The following AKT2 variants were observed in gnomAD, a reference collection of about 807,000 sequenced individuals.
AKT2 encodes the protein RAC-beta serine/threonine-protein kinase.
In AKT2, 16 loss-of-function variants were observed where a neutral mutation model predicts 58.6. The ratio of observed to expected loss-of-function variants is 0.27; its 90% CI spans 0.18 to 0.41. The LOEUF is 0.41. Ranked by LOEUF, AKT2 falls within the 10% of genes least tolerant of loss-of-function variation. The pLI, the probability that AKT2 is intolerant of heterozygous loss-of-function variation, is 1.00. For synonymous variants in AKT2, 253 were observed against 254.0 expected (o/e 1.00, Z 0.04); for missense variants, 438 against 661.0 (o/e 0.66, Z 3.70).
chr19:40,240,793 CTT>C (rs1009869075), intron 6 of AKT2: 46 of 155,468 alleles, frequency 3.0e-4, no homozygotes, highest in South Asian at 1.2e-3. Flanking sequence ...TTTTTTTTCC[CTT>C]TTTTTTTTTA....
At chr19:40,260,585 ACG>A (rs1975866867) in intron 2 of AKT2, among the ~76,000 whole-genome samples, 1 of 120,676 alleles carries the variant, frequency 8.3e-6, no homozygotes. Context: ...AGCCGAGATC[ACG>A]CCACTGCACT....
chr19:40,233,546 A>T lies in AKT2; in HGVS notation c.*326T>A. The T allele has an allele frequency of 1.5e-6, 1 of 646,940 alleles. No individual in the cohort carries two copies. The highest frequency in any genetic ancestry group is 2.9e-6 in the Non-Finnish European group (1 of 341,288). The allele number at this position is 646,940 out of a possible 1,614,324, so 40.1% of individuals were successfully genotyped here. A position where few individuals can be genotyped will look rare whatever the true frequency, so the allele number is the denominator to read the frequency against. On this transcript the variant is annotated 3_prime_UTR_variant, in exon 14 of 14. Transcript: ENST00000392038. The surrounding 1 kb of genome is among the most constrained non-coding windows in gnomAD (Gnocchi z 4.3). Reference sequence around the variant, plus strand: ...AGCACGACACCCAGGCCAGAAACTCAGGCAGGCCCCAGGCGCCATGCTTCA... The same window carrying T: ...AGCACGACACCCAGGCCAGAAACTCTGGCAGGCCCCAGGCGCCATGCTTCA...
chr19:40,235,897 TG>T lies in AKT2; in HGVS notation c.1167del (p.Lys390SerfsTer185), dbSNP rs2145163750. ...SLLAGLLKKD[P>X]KQRLGGGPSD... ...GCCGACGCCAGCCCTCACCTCTGCT[TG>T]GGGTCCTTCTTAAGCAGCCCAGCAA... On this transcript the variant is annotated frameshift_variant, in exon 11 of 14. Transcript: ENST00000392038. LOFTEE classifies it high-confidence loss of function. This position sits in a 1 kb window ranked among gnomAD's most constrained non-coding sequence, Gnocchi z 6.3. 6.2e-7 allele frequency: 1 copy of T among 1,610,288 alleles called. No homozygotes were observed.
intron 6 of AKT2, chr19:40,240,372 C>T: frequency 1.5e-6 from 1 of 672,602 alleles, no homozygotes; most frequent in Non-Finnish European, 2.8e-6. Context: ...GGACAAGACA[C>T]CTGTGACGTC....
rs1251045508 is a variant in AKT2 at position 40,233,931 on chromosome 19, C to T, written c.1387G>A (p.Glu463Lys). ...GGGAAGTGGGTCCGCTGGTCCAGCTCCAGTAAGCCCAGGCTGTCATCTGTG... is the reference window on the plus strand; with the variant it reads ...GGGAAGTGGGTCCGCTGGTCCAGCTTCAGTAAGCCCAGGCTGTCATCTGTG... ...PDRYDSLGLL[E>K]LDQRTHFPQF... Residue 463 changes from glutamate (E) to lysine (K), a missense_variant, in exon 14 of 14, where the codon GAG becomes AAG. Glu to Lys is a moderately conservative substitution (Grantham distance 56). Transcript: ENST00000392038. The surrounding 1 kb of genome is among the most constrained non-coding windows in gnomAD (Gnocchi z 4.3). The T allele has an allele frequency of 3.1e-6, 5 of 1,611,498 alleles. No individual in the cohort carries two copies. The highest frequency in any genetic ancestry group is 2.2e-5 in the South Asian group (2 of 91,056).
Position 40,230,490 on chromosome 19 carries a change from C to T in AKT2, c.*3382G>A, listed in dbSNP as rs182365115. ...AGCAGCTAAAAGGGAATCGCACTGCCGCCCCCGACTCCACACAACCATCAG... is the reference window on the plus strand; with the variant it reads ...AGCAGCTAAAAGGGAATCGCACTGCTGCCCCCGACTCCACACAACCATCAG... On this transcript the variant is annotated 3_prime_UTR_variant, in exon 14 of 14. Transcript: ENST00000392038. 3.0e-4 allele frequency: 68 copies of T among 226,590 alleles called. No homozygotes were observed. Among genetic ancestry groups the T allele is most frequent in the Admixed American group, 1.9e-3 (34 of 17,574 alleles). The allele number at this position is 226,590 out of a possible 1,614,324, so 14.0% of individuals were successfully genotyped here.
chr19:40,275,935 C>T (rs939531660), intron 1 of AKT2, among the ~76,000 whole-genome samples: 4 of 151,452 alleles, frequency 2.6e-5, no homozygotes, highest in Non-Finnish European at 5.9e-5. Flanking sequence ...TCGCTTGAAC[C>T]CGGGAGGCGG....
In AKT2 at chr19:40,240,081, G is replaced by A. The variant is rs2145191247; in HGVS notation, c.603C>T (p.Ser201=). The A allele has an allele frequency of 6.2e-7, 1 of 1,614,058 alleles. No individual in the cohort carries two copies. The highest frequency in any genetic ancestry group is 8.5e-7 in the Non-Finnish European group (1 of 1,180,018). ...GGTGCCTGGTGTTCTGGAGGACCCG[G>A]CTCTCGGTGACTGTGTGAGCGACTT... is the stretch of plus-strand genomic sequence containing the variant. The part of the protein sequence containing the change: ...KDEVAHTVTE[S]RVLQNTRHPF... Residue 201 remains serine (S), a synonymous_variant, in exon 7 of 14, where the codon AGC becomes AGT. Transcript: ENST00000392038.
chr19:40,267,995 A>C (rs1311182314), intron 1 of AKT2, among the ~76,000 whole-genome samples: 1 of 152,222 alleles, frequency 6.6e-6, no homozygotes, highest in Non-Finnish European at 1.5e-5. Flanking sequence ...AGAAAATGCA[A>C]GGACCTGAGG....
At chr19:40,256,875 C>T in intron 3 of AKT2, 51 bp downstream of exon 3, 1 of 1,612,490 alleles carries the variant, frequency 6.2e-7, no homozygotes. Flanking sequence ...CTAAGACGTG[C>T]CAGCCATCCT....
chr19:40,233,622 C>T lies in AKT2; in HGVS notation c.*250G>A, dbSNP rs759230231. 2 of 747,354 alleles carry T rather than the reference C, an allele frequency of 2.7e-6. No homozygotes were observed. Among genetic ancestry groups the T allele is most frequent in the East Asian group, 5.0e-5 (2 of 40,106 alleles). 46.3% of individuals were successfully genotyped at this position (747,354 alleles called of 1,614,324 possible). On this transcript the variant is annotated 3_prime_UTR_variant, in exon 14 of 14. Transcript: ENST00000392038. This position sits in a 1 kb window ranked among gnomAD's most constrained non-coding sequence, Gnocchi z 4.3. ...AAAACCTGAATCTCCAACCGCCCAA[C>T]AGCCCAGGCCTGGGCGGGAGGTGGA... is the stretch of plus-strand genomic sequence containing the variant.
At chr19:40,246,955 G>A (rs1039233239) in intron 4 of AKT2, among the ~76,000 whole-genome samples, 3 of 152,248 alleles carry the variant, frequency 2.0e-5, no homozygotes, top group African/African-American at 7.2e-5. Context: ...AAGGGAGGGT[G>A]CCGAAGACAC....
chr19:40,233,879 C>T lies in AKT2; in HGVS notation c.1439G>A (p.Arg480His), dbSNP rs1017033490. 7 of 1,611,258 alleles carry T rather than the reference C, an allele frequency of 4.3e-6. No homozygotes were observed. Among genetic ancestry groups the T allele is most frequent in the Middle Eastern group, 1.6e-4 (1 of 6,080 alleles). The stretch of plus-strand genomic sequence containing the variant: ...TCTGCGTGGGCAGACTGCTCACTCG[C>T]GGATGCTGGCCGAGTAGGAGAACTG... ...FPQFSYSASI[R>H]E Residue 480 changes from arginine (R) to histidine (H), a missense_variant, in exon 14 of 14, where the codon CGC (arginine) becomes CAC (histidine). By Grantham distance (29) the Arg-to-His change is conservative. Transcript: ENST00000392038. The surrounding 1 kb of genome is among the most constrained non-coding windows in gnomAD (Gnocchi z 4.3).
chr19:40,259,403 T>C (rs902660185), intron 2 of AKT2, among the ~76,000 whole-genome samples: 1 of 152,134 alleles, frequency 6.6e-6, no homozygotes, highest in Non-Finnish European at 1.5e-5. Flanking sequence ...TTTTGTGATA[T>C]CCTACTTCAC....
At chr19:40,249,629 G>A (rs1374965753) in intron 4 of AKT2, among the ~76,000 whole-genome samples, 1 of 152,248 alleles carries the variant, frequency 6.6e-6, no homozygotes, top group Admixed American at 6.5e-5. Flanking sequence ...CGACCTAGAG[G>A]GGCATTTACA....
At chr19:40,263,534 G>C (rs759461856) in intron 2 of AKT2, among the ~76,000 whole-genome samples, 1 of 152,194 alleles carries the variant, frequency 6.6e-6, no homozygotes, top group African/African-American at 2.4e-5. Flanking sequence ...CAGAACCAGG[G>C]TTAGAACCTT....
chr19:40,280,047 T>C lies in AKT2; in HGVS notation c.-85+5134A>G, dbSNP rs1204954472. Reference sequence around the variant, plus strand: ...CTCTCAACCTGGCCCTCATTTATTTTGCCTTCGTAATATCAACCACACCTG... The same window carrying C: ...CTCTCAACCTGGCCCTCATTTATTTCGCCTTCGTAATATCAACCACACCTG... On this transcript the variant is annotated intron_variant, in intron 1 of 13. Coordinates refer to ENST00000392038, the MANE Select transcript of AKT2 (RefSeq NM_001626.6). 2.0e-5 allele frequency among the ~76,000 whole-genome samples: 3 copies of C among 152,324 alleles called. No individual in the cohort carries two copies. In the East Asian group the frequency reaches 5.8e-4, roughly 29 times the overall value.
chr19:40,239,137 T>C (rs1410206130), intron 7 of AKT2, 164 bp from the exon 8 acceptor site: 1 of 619,942 alleles, frequency 1.6e-6, no homozygotes, highest in Non-Finnish European at 2.8e-6. Flanking sequence ...CTGCACCTTT[T>C]GGGGCATTAA....
intron 2 of AKT2, 114 bp from the exon 3 acceptor site, chr19:40,257,168 G>A: frequency 2.2e-6 from 3 of 1,372,912 alleles, no homozygotes; most frequent in Non-Finnish European, 3.1e-6. Flanking sequence ...CACGGGGCGG[G>A]GAGGTGCGGG....
Sources: gnomAD v4.1 joint callset for allele counts (sites outside exome capture counted in the v4.1 genomes callset) on GRCh38, gnomAD v4.1.1 for gene constraint, Gnocchi (gnomAD v3.1) non-coding constraint, MANE v1.5 for transcripts, NCBI Gene and HGNC (gene_info 2026-07-23, HGNC 2026-07-21) for gene names.